Variants in MED30 observed in about 807,000 individuals in gnomAD.
The protein encoded by MED30 is mediator of RNA polymerase II transcription subunit 30.
Under a neutral mutation model 21.7 loss-of-function variants are expected in MED30, and 8 were observed. The observed-to-expected ratio is 0.37, with a 90% CI of 0.22 to 0.67. The LOEUF (loss-of-function observed/expected upper bound fraction) is 0.67. Ranked by LOEUF, MED30 falls within the 30% of genes least tolerant of loss-of-function variation. The pLI is 0.58. For missense variants in MED30, 203 were observed against 228.2 expected, an observed-to-expected ratio of 0.89 and a Z score of 0.71; for synonymous variants, 79 against 86.7, an observed-to-expected ratio of 0.91 and a Z score of 0.49.
chr8:117,531,693 G>T (rs956740489), intron 3 of MED30, among the ~76,000 whole-genome samples: 3 of 148,400 alleles, frequency 2.0e-5, no homozygotes, highest in East Asian at 3.9e-4. Context: ...AAGACAGTGT[G>T]TTTTTTTTTT....
chr8:117,525,948 G>A (rs897366213), intron 1 of MED30, among the ~76,000 whole-genome samples: 1 of 151,878 alleles, frequency 6.6e-6, no homozygotes, highest in African/African-American at 2.4e-5. Flanking sequence ...TTTTTATTAG[G>A]TCCGTTCGGC....
At chr8:117,538,880 G>A (rs1818929755) in intron 3 of MED30, among the ~76,000 whole-genome samples, 1 of 152,182 alleles carries the variant, frequency 6.6e-6, no homozygotes, top group Non-Finnish European at 1.5e-5. Context: ...TTTGTCTTCA[G>A]TTTTTAGAAT....
intron 2 of MED30, 97 bp downstream of exon 2, chr8:117,528,906 T>C: frequency 9.5e-7 from 1 of 1,049,612 alleles, no homozygotes; most frequent in South Asian, 2.4e-5. Flanking sequence ...TTAGCAATAT[T>C]TCCAGGTTTC....
At chr8:117,531,494 C>T (rs886777942) in intron 3 of MED30, among the ~76,000 whole-genome samples, 4 of 151,968 alleles carry the variant, frequency 2.6e-5, no homozygotes, top group African/African-American at 7.2e-5. Flanking sequence ...TAGAACTCAT[C>T]AGTGTATTAA....
At chr8:117,528,613 AT>A in intron 1 of MED30, 37 bp from the exon 2 acceptor site, 1 of 1,500,628 alleles carries the variant, frequency 6.7e-7, no homozygotes, top group Non-Finnish European at 8.9e-7. Flanking sequence ...TTTTTTTTTC[AT>A]TACTTGATAT....
Position 117,520,841 on chromosome 8 carries a change from G to C in MED30, c.-36G>C, listed in dbSNP as rs141340630. 88 of 1,538,044 alleles carry C rather than the reference G, an allele frequency of 5.7e-5. No homozygotes were observed. Among genetic ancestry groups the C allele is most frequent in the Non-Finnish European group, 7.5e-5 (86 of 1,142,060 alleles). On this transcript the variant is annotated 5_prime_UTR_variant, in exon 1 of 4. Transcript: ENST00000297347. The stretch of plus-strand genomic sequence containing the variant: ...TCCGGGCAGACCCCTGACACCTGCT[G>C]TCTGGCCCCTTCCGGCCTGAAGCTG...
chr8:117,539,846 C>A, intron 3 of MED30, 37 bp from the exon 4 acceptor site: 1 of 1,255,052 alleles, frequency 8.0e-7, no homozygotes, highest in Non-Finnish European at 1.1e-6. Context: ...GTCTATATTT[C>A]CTGAAACATT....
At chr8:117,523,774 C>T in intron 1 of MED30, 5 of 869,668 alleles carry the variant, frequency 5.7e-6, no homozygotes, top group Admixed American at 2.4e-5. Flanking sequence ...TTTGAGAGGC[C>T]GAGGTGGGCG....
chr8:117,535,891 A>G (rs765043978), intron 3 of MED30, among the ~76,000 whole-genome samples: 4 of 152,104 alleles, frequency 2.6e-5, no homozygotes, highest in African/African-American at 4.8e-5. Context: ...ATAGTTTTTA[A>G]TAATGGCCAT....
chr8:117,521,421 AT>A (rs200683692), intron 1 of MED30, among the ~76,000 whole-genome samples: 4 of 151,684 alleles, frequency 2.6e-5, no homozygotes, highest in African/African-American at 9.7e-5. Flanking sequence ...AAGAATTTAC[AT>A]TTTTTTTAAA....
chr8:117,523,380 G>T, intron 1 of MED30: 1 of 1,547,556 alleles, frequency 6.5e-7, no homozygotes, highest in Non-Finnish European at 8.9e-7. Context: ...CACTCCGTCT[G>T]TAGGTATCTC....
intron 3 of MED30, among the ~76,000 whole-genome samples, chr8:117,532,575 C>CT (rs1269999468): frequency 2.6e-5 from 4 of 151,954 alleles, no homozygotes; most frequent in African/African-American, 9.6e-5. Context: ...ATTAAGCTAG[C>CT]TTTTACATTA....
At chr8:117,534,497 C>T (rs1409848667) in intron 3 of MED30, among the ~76,000 whole-genome samples, 2 of 151,544 alleles carry the variant, frequency 1.3e-5, no homozygotes, top group Non-Finnish European at 2.9e-5. Flanking sequence ...CAGGATAAAA[C>T]ATGTTTTAGT....
At chr8:117,524,483 C>T (rs772535234) in intron 1 of MED30, among the ~76,000 whole-genome samples, 1 of 152,326 alleles carries the variant, frequency 6.6e-6, no homozygotes, top group Admixed American at 6.5e-5. Flanking sequence ...AATACACATA[C>T]ATTTTGAAAA....
intron 1 of MED30, chr8:117,523,146 AG>A: frequency 1.6e-6 from 1 of 612,768 alleles, no homozygotes; most frequent in Non-Finnish European, 2.9e-6. Context: ...TTTCAAAAAA[AG>A]TATTTTATCA....
chr8:117,532,078 A>G (rs1017383701), intron 3 of MED30, among the ~76,000 whole-genome samples: 3 of 152,054 alleles, frequency 2.0e-5, no homozygotes, highest in African/African-American at 7.2e-5. Context: ...ATGTGTATGA[A>G]TAAACTTATT....
intron 3 of MED30, among the ~76,000 whole-genome samples, chr8:117,539,524 A>G (rs1006923197): frequency 1.2e-4 from 18 of 152,118 alleles, no homozygotes; most frequent in Non-Finnish European, 4.4e-5. Flanking sequence ...ATCTGGCTCT[A>G]GAGTATGGGC....
chr8:117,523,511 GA>G (rs1818666201), intron 1 of MED30: 1 of 1,593,464 alleles, frequency 6.3e-7, no homozygotes, highest in Admixed American at 1.7e-5. Context: ...GGGGGCAGAT[GA>G]AGGTAATCAC....
intron 1 of MED30, chr8:117,523,447 T>C (rs2130809166): frequency 6.4e-7 from 1 of 1,574,796 alleles, no homozygotes; most frequent in Middle Eastern, 2.3e-4. Context: ...ACCTTTAGGC[T>C]GAGGCCTGCC....
Sources: gnomAD v4.1 joint callset for allele counts (sites outside exome capture counted in the v4.1 genomes callset) on GRCh38, gnomAD v4.1.1 for gene constraint, MANE v1.5 for transcripts, NCBI Gene and HGNC (gene_info 2026-07-23, HGNC 2026-07-21) for gene names.